The following POLR3A variants were observed in gnomAD, a reference collection of about 807,000 sequenced individuals.
POLR3A encodes the protein RNA polymerase III subunit A.
Under a neutral mutation model 152.8 loss-of-function variants are expected in POLR3A, and 112 were observed. The observed-to-expected ratio is 0.73, with a 90% CI of 0.63 to 0.86. The LOEUF is 0.86. Ranked by LOEUF, POLR3A falls within the 40% of genes least tolerant of loss-of-function variation. The pLI is 0.00. For synonymous variants in POLR3A, 615 were observed against 652.1 expected (o/e 0.94, Z 0.87); for missense variants, 1,385 against 1,743.1 (o/e 0.79, Z 3.66).
At chr10:78,001,265 C>A (rs1387651659) in intron 17 of POLR3A, among the ~76,000 whole-genome samples, 171 bp from the exon 18 acceptor site, 1 of 152,084 alleles carries the variant, frequency 6.6e-6, no homozygotes. Context: ...TGTCAGGAAC[C>A]CAAGAAAGGC....
chr10:77,985,067 AG>A lies in POLR3A; in HGVS notation c.3242+102del. 3.8e-6 allele frequency: 4 copies of A among 1,039,448 alleles called. No homozygotes were observed. In the South Asian group the frequency reaches 5.2e-5, roughly 13 times the overall value. The allele number at this position is 1,039,448 out of a possible 1,614,324, so 64.4% of individuals were successfully genotyped here. ...GCATGCCACCCAGAGTTTAAGACAC[AG>A]TCCTATGAGGATATCACACATATGC... On this transcript the variant is annotated intron_variant, in intron 24 of 30. Transcript: ENST00000372371.
At chr10:77,988,193 A>T (rs1847215406) in intron 21 of POLR3A, among the ~76,000 whole-genome samples, 1 of 152,110 alleles carries the variant, frequency 6.6e-6, no homozygotes. Context: ...CCTGCAGCCC[A>T]ATCATTGTTC....
At chr10:78,025,784 A>G in intron 2 of POLR3A, 25 bp from the exon 3 acceptor site, 1 of 1,612,292 alleles carries the variant, frequency 6.2e-7, no homozygotes, top group Admixed American at 1.7e-5. Context: ...ACACCCAATG[A>G]TCAACACAGA....
chr10:77,985,836 G>C, intron 23 of POLR3A, 67 bp downstream of exon 23: 1 of 1,177,534 alleles, frequency 8.5e-7, no homozygotes, highest in Non-Finnish European at 1.3e-6. Flanking sequence ...TTGTACACAT[G>C]GGGAAACAGA....
Position 78,026,183 on chromosome 10 carries a change from G to A in POLR3A, c.91C>T (p.Gln31Ter), listed in dbSNP as rs546487084. 20 of 1,614,064 alleles carry A rather than the reference G, an allele frequency of 1.2e-5. No individual in the cohort carries two copies. The highest frequency in any genetic ancestry group is 1.7e-5 in the Non-Finnish European group (20 of 1,179,982). ...TTACTCACAACTTGGATGTGCGCCTGCTGGCGCATCTCCTCAGGTGACTTC... is the reference window on the plus strand; with the variant it reads ...TTACTCACAACTTGGATGTGCGCCTACTGGCGCATCTCCTCAGGTGACTTC... ...GMKSPEEMRQ[Q>*]AHIQVVSKNL... The change falls in exon 2 of 31, where the codon CAG becomes TAG. Residue 31 changes from glutamine (Q) to a stop codon, truncating the protein, a stop_gained. Transcript: ENST00000372371. LOFTEE classifies it high-confidence loss of function.
At chr10:77,987,903 G>A (rs1420925603) in intron 21 of POLR3A, among the ~76,000 whole-genome samples, 1 of 152,204 alleles carries the variant, frequency 6.6e-6, no homozygotes, top group Non-Finnish European at 1.5e-5. Context: ...GGCACTGAAG[G>A]CCTGAATGAG....
intron 21 of POLR3A, 29 bp downstream of exon 21, chr10:77,991,025 T>C (rs376367593): frequency 8.0e-7 from 1 of 1,254,710 alleles, no homozygotes; most frequent in Non-Finnish European, 1.2e-6. Flanking sequence ...CCAGGCTGGG[T>C]GCAGTAGCCA....
intron 23 of POLR3A, 77 bp from the exon 24 acceptor site, chr10:77,985,417 G>C: frequency 9.0e-7 from 1 of 1,106,216 alleles, no homozygotes; most frequent in Non-Finnish European, 1.4e-6. Context: ...GAGGCTTCTG[G>C]TTATCACCTT....
chr10:77,992,616 T>A (rs1847260515), intron 20 of POLR3A, among the ~76,000 whole-genome samples: 1 of 152,018 alleles, frequency 6.6e-6, no homozygotes, highest in Non-Finnish European at 1.5e-5. Flanking sequence ...CTAATTTTTG[T>A]ATCTTTAGTA....
At chr10:77,999,715 A>T (rs1032627176) in intron 19 of POLR3A, among the ~76,000 whole-genome samples, 1 of 152,194 alleles carries the variant, frequency 6.6e-6, no homozygotes, top group Non-Finnish European at 1.5e-5. Context: ...ATATCCCACA[A>T]TGTACTTCCA....
chr10:78,020,629 A>T (rs777812183), intron 8 of POLR3A, among the ~76,000 whole-genome samples: 8 of 151,250 alleles, frequency 5.3e-5, no homozygotes, highest in Admixed American at 2.0e-4. Context: ...TCTACTAAAA[A>T]TACAGAAAAT....
chr10:78,002,952 C>G (rs1469285654), intron 16 of POLR3A, among the ~76,000 whole-genome samples: 2 of 152,170 alleles, frequency 1.3e-5, no homozygotes, highest in African/African-American at 4.8e-5. Context: ...CACATGCACC[C>G]CATACAAATA....
chr10:78,010,589 G>A (rs754058864), intron 11 of POLR3A, 49 bp from the exon 12 acceptor site: 7 of 1,271,806 alleles, frequency 5.5e-6, no homozygotes, highest in South Asian at 1.2e-5. Flanking sequence ...GATGCATGAT[G>A]CAGCCCAAAG....
intron 8 of POLR3A, chr10:78,020,173 C>CA (rs34239022): frequency 0.11 from 8,021 of 73,866 alleles, 1,338 homozygotes; most frequent in African/African-American, 0.38. Context: ...GACTCAGTCT[C>CA]AAAAAAAAAA....
intron 16 of POLR3A, among the ~76,000 whole-genome samples, chr10:78,003,907 C>A (rs549057984): frequency 6.6e-6 from 1 of 151,122 alleles, no homozygotes; most frequent in South Asian, 2.1e-4. Flanking sequence ...CCAGCCTGGG[C>A]GACAAAGTGA....
intron 30 of POLR3A, among the ~76,000 whole-genome samples, chr10:77,978,660 GTT>G (rs1349193901): frequency 1.9e-4 from 26 of 135,694 alleles, no homozygotes; most frequent in African/African-American, 5.5e-4. Flanking sequence ...CTTCATGCTA[GTT>G]TTTTTTTTTT....
intron 21 of POLR3A, among the ~76,000 whole-genome samples, chr10:77,988,697 A>G (rs1412961774): frequency 6.6e-6 from 1 of 152,176 alleles, no homozygotes; most frequent in Non-Finnish European, 1.5e-5. Flanking sequence ...GCATGGCTCT[A>G]ACAGAATATT....
At chr10:77,982,398 A>G (rs757807018) in intron 27 of POLR3A, 80 bp from the exon 28 acceptor site, 2 of 1,359,556 alleles carry the variant, frequency 1.5e-6, no homozygotes, top group Non-Finnish European at 2.1e-6. Flanking sequence ...CCCAGCTTTC[A>G]GCAGTGGTCA....
rs774756721 is a variant in POLR3A at position 77,981,485 on chromosome 10, G to A, written c.3834C>T (p.His1278=). The A allele has an allele frequency of 1.1e-5, 18 of 1,613,920 alleles. No homozygotes were observed. Among genetic ancestry groups the A allele is most frequent in the Middle Eastern group, 1.6e-4 (1 of 6,062 alleles). Residue 1278 remains histidine, a synonymous_variant, in exon 29 of 31, where the codon CAC becomes CAT. Transcript: ENST00000372371. ...INEIQYTMVN[H]GMSIDRRHVM... ...CGTGCCTCCTGTCGATGCTCATGCC[G>A]TGGTTCACCATGGTGTACTGGATTT...
Sources: allele counts gnomAD v4.1 joint callset (sites outside exome capture counted in the v4.1 genomes callset), GRCh38; gene constraint gnomAD v4.1.1; transcripts MANE v1.5; gene names NCBI Gene and HGNC (gene_info 2026-07-23, HGNC 2026-07-21).